Variants in MTR observed in about 807,000 individuals in gnomAD.
MTR encodes methionine synthase.
Under a neutral mutation model 154.8 loss-of-function variants are expected in MTR, and 84 were observed. The observed-to-expected ratio is 0.54, with a 90% CI of 0.45 to 0.65. The LOEUF is 0.65. Among genes scored for constraint, MTR ranks in the 30% least tolerant of loss-of-function variants. The pLI is 0.00. For missense variants in MTR, 1,275 were observed against 1,570.2 expected (o/e 0.81, Z 3.18); for synonymous variants, 554 against 553.9 (o/e 1.00, Z 0.00).
intron 9 of MTR, 42 bp downstream of exon 9, chr1:236,824,261 A>G (rs1005631193): frequency 6.9e-7 from 1 of 1,457,870 alleles, no homozygotes; most frequent in Non-Finnish European, 9.6e-7. Context: ...GATAAAAATA[A>G]CATAAGACAT....
At chr1:236,884,969 T>G in intron 25 of MTR, 152 bp from the exon 26 acceptor site, 1 of 675,908 alleles carries the variant, frequency 1.5e-6, no homozygotes. Context: ...GAGTTTACCT[T>G]TTCCTGCACG....
At chr1:236,808,190 A>G (rs1278916996) in intron 3 of MTR, among the ~76,000 whole-genome samples, 1 of 152,148 alleles carries the variant, frequency 6.6e-6, no homozygotes, top group Non-Finnish European at 1.5e-5. Flanking sequence ...TCCTGGTAAG[A>G]GGGTTCATAG....
At chr1:236,866,661 A>G (rs1664839937) in intron 22 of MTR, among the ~76,000 whole-genome samples, 1 of 152,244 alleles carries the variant, frequency 6.6e-6, no homozygotes, top group African/African-American at 2.4e-5. Flanking sequence ...AGTTTATGCA[A>G]AAGAAAAGTT....
In MTR at chr1:236,874,019, C is replaced by T. The variant is rs3737291; in HGVS notation, c.2473+179C>T. On this transcript the variant is annotated intron_variant, in intron 23 of 32. Coordinates refer to ENST00000366577, the MANE Select transcript of MTR (RefSeq NM_000254.3). ...TGCCATTTCTAATGGGGTTGAGAGA[C>T]GAGAATGAGTAACTATGGAACCGAG... Among the ~76,000 whole-genome samples the T allele has an allele frequency of 0.046, 6,941 of 152,090 alleles. 485 individuals are homozygous for T. The highest frequency in any genetic ancestry group is 0.2 in the East Asian group (1,030 of 5,156).
chr1:236,849,396 G>A (rs1479005752), intron 15 of MTR, among the ~76,000 whole-genome samples: 1 of 152,110 alleles, frequency 6.6e-6, no homozygotes, highest in Non-Finnish European at 1.5e-5. Context: ...GAAATACTCC[G>A]AAGAAGAATG....
At chr1:236,842,630 A>AT (rs1663321486) in intron 15 of MTR, among the ~76,000 whole-genome samples, 1 of 151,964 alleles carries the variant, frequency 6.6e-6, no homozygotes, top group South Asian at 2.1e-4. Flanking sequence ...AATGAAGCAA[A>AT]TATCTTCAAA....
rs148497038 is a variant in MTR at position 236,871,566 on chromosome 1, G to A, written c.2406-2207G>A. On this transcript the variant is annotated intron_variant, in intron 22 of 32. Transcript: ENST00000366577. The stretch of plus-strand genomic sequence containing the variant: ...TATGCCTTTTTGTCTTGATTTAAAA[G>A]CAGTATGCTATTTTTCCTAGTTTTA... 2.6e-3 allele frequency among the ~76,000 whole-genome samples: 396 copies of A among 152,024 alleles called. 4 individuals are homozygous for A. Among genetic ancestry groups the A allele is most frequent in the African/African-American group, 8.5e-3 (353 of 41,476 alleles).
At chr1:236,821,903 T>C (rs10925242) in intron 8 of MTR, among the ~76,000 whole-genome samples, 53,138 of 152,118 alleles carry the variant, frequency 0.35, 10,010 homozygotes, top group Non-Finnish European at 0.41. Context: ...CTATTCTGTT[T>C]CATTAATCTA....
chr1:236,826,247 A>G (rs1662280570), intron 10 of MTR, among the ~76,000 whole-genome samples: 1 of 152,226 alleles, frequency 6.6e-6, no homozygotes, highest in African/African-American at 2.4e-5. Flanking sequence ...TCAGCTCAGC[A>G]TGTGGGTAAA....
chr1:236,882,375 G>T (rs138256424), intron 25 of MTR, among the ~76,000 whole-genome samples: 1,500 of 147,588 alleles, frequency 0.01, 14 homozygotes, highest in Non-Finnish European at 0.016. Flanking sequence ...ATGTTTGGAG[G>T]ACAAACCCCT....
chr1:236,834,753 A>G (rs1353102109), intron 13 of MTR, among the ~76,000 whole-genome samples: 3 of 152,222 alleles, frequency 2.0e-5, no homozygotes, highest in African/African-American at 4.8e-5. Flanking sequence ...CTTAGAAGGT[A>G]TTATGGAACA....
At chr1:236,894,323 G>A (rs1447251759) in intron 29 of MTR, 34 bp from the exon 30 acceptor site, 19 of 1,608,968 alleles carry the variant, frequency 1.2e-5, no homozygotes, top group African/African-American at 5.4e-5. Flanking sequence ...TGCTAACGGC[G>A]CCCCCGCACA....
At chr1:236,845,603 A>G (rs1232287409) in intron 15 of MTR, among the ~76,000 whole-genome samples, 1 of 152,242 alleles carries the variant, frequency 6.6e-6, no homozygotes, top group African/African-American at 2.4e-5. Flanking sequence ...CCGAGATTTT[A>G]CACCAACATT....
intron 21 of MTR, 67 bp from the exon 22 acceptor site, chr1:236,863,387 C>A: frequency 1.6e-6 from 2 of 1,259,354 alleles, no homozygotes; most frequent in African/African-American, 1.5e-5. Context: ...CCCTGCCTGG[C>A]TCTGGAGAAC....
chr1:236,886,940 C>T (rs1254279775), intron 27 of MTR, among the ~76,000 whole-genome samples: 1 of 151,298 alleles, frequency 6.6e-6, no homozygotes, highest in Non-Finnish European at 1.5e-5. Flanking sequence ...TCTCTGTCCT[C>T]TCTCTGGATG....
chr1:236,864,996 C>G (rs1664747531), intron 22 of MTR, among the ~76,000 whole-genome samples: 1 of 152,208 alleles, frequency 6.6e-6, no homozygotes, highest in Non-Finnish European at 1.5e-5. Flanking sequence ...TTGTCATGTG[C>G]TTTATCATCA....
At chr1:236,871,367 A>G (rs906821499) in intron 22 of MTR, among the ~76,000 whole-genome samples, 1 of 152,126 alleles carries the variant, frequency 6.6e-6, no homozygotes, top group African/African-American at 2.4e-5. Context: ...AGCCACAACA[A>G]TTTCCTTACT....
intron 18 of MTR, among the ~76,000 whole-genome samples, chr1:236,854,272 C>T (rs1159592260): frequency 6.6e-6 from 1 of 152,170 alleles, no homozygotes; most frequent in Non-Finnish European, 1.5e-5. Flanking sequence ...GGAGTTCAGA[C>T]ACTGTGCCAA....
chr1:236,860,237 C>T (rs1664458580), intron 19 of MTR, among the ~76,000 whole-genome samples: 2 of 152,200 alleles, frequency 1.3e-5, no homozygotes, highest in South Asian at 4.1e-4. Flanking sequence ...TATTCCTTCC[C>T]AAGTGTTAGT....
Sources: allele counts gnomAD v4.1 joint callset (sites outside exome capture counted in the v4.1 genomes callset), GRCh38; gene constraint gnomAD v4.1.1; transcripts MANE v1.5; gene names NCBI Gene and HGNC (gene_info 2026-07-23, HGNC 2026-07-21).